Variants in SCARA5 observed in about 807,000 individuals in gnomAD.
SCARA5 encodes the protein scavenger receptor class A, member 5 (putative).
Under a neutral mutation model 46.3 loss-of-function variants are expected in SCARA5, and 45 were observed. The observed-to-expected ratio is 0.97, with a 90% CI of 0.76 to 1.24. The LOEUF (loss-of-function observed/expected upper bound fraction) is 1.24, where lower values mean the gene tolerates loss of function less well. Ranked by LOEUF, SCARA5 falls within the 50% of genes most tolerant of loss-of-function variation. SCARA5 has a pLI of 0.00. For synonymous variants in SCARA5, 333 were observed against 306.5 expected (o/e 1.09, Z -0.90); for missense variants, 680 against 689.0 (o/e 0.99, Z 0.15).
At chr8:27,969,445 G>GA (rs770153802) in intron 2 of SCARA5, among the ~76,000 whole-genome samples, 17 of 152,166 alleles carry the variant, frequency 1.1e-4, no homozygotes, top group Non-Finnish European at 1.8e-4. Context: ...GATATTCTGG[G>GA]AAAAACAAAA....
At chr8:27,933,558 T>C (rs1056169107) in intron 3 of SCARA5, among the ~76,000 whole-genome samples, 7 of 150,376 alleles carry the variant, frequency 4.7e-5, no homozygotes, top group African/African-American at 1.7e-4. Context: ...GGCAGATTCA[T>C]GAGATTCATG....
intron 7 of SCARA5, among the ~76,000 whole-genome samples, chr8:27,899,623 C>T (rs1401122263): frequency 1.3e-5 from 2 of 152,220 alleles, no homozygotes; most frequent in Non-Finnish European, 1.5e-5. Context: ...GGATGGCTTC[C>T]TAGTGCCCAG....
intron 3 of SCARA5, among the ~76,000 whole-genome samples, chr8:27,941,274 C>G (rs1312594822): frequency 2.0e-5 from 3 of 152,124 alleles, no homozygotes. Context: ...TCCTTAGACA[C>G]AGTTAGTTAG....
At chr8:27,989,830 C>T (rs1010163787) in intron 1 of SCARA5, among the ~76,000 whole-genome samples, 4 of 152,226 alleles carry the variant, frequency 2.6e-5, no homozygotes, top group Non-Finnish European at 4.4e-5. Flanking sequence ...GGTGGGGCCG[C>T]GGGCAGCTCC....
chr8:27,931,803 C>T lies in SCARA5; in HGVS notation c.242-9558G>A, dbSNP rs533026659. Among the ~76,000 whole-genome samples, 475 of 151,978 alleles carry T rather than the reference C, an allele frequency of 3.1e-3. 3 individuals carry two copies. The highest frequency in any genetic ancestry group is 0.011 in the African/African-American group (448 of 41,424). On this transcript the variant is annotated intron_variant, in intron 3 of 8. Transcript: ENST00000354914. ...CAGAGTAGCTGGGACTACATGCACA[C>T]GCCACCACGCCTGGCTAATTTTTGT...
At chr8:27,948,758 G>A (rs1466853412) in intron 3 of SCARA5, among the ~76,000 whole-genome samples, 1 of 152,224 alleles carries the variant, frequency 6.6e-6, no homozygotes, top group South Asian at 2.1e-4. Context: ...AGCCCCAAAC[G>A]CCTAGTTAAA....
intron 2 of SCARA5, among the ~76,000 whole-genome samples, chr8:27,979,740 T>C (rs1480927218): frequency 6.6e-6 from 1 of 152,016 alleles, no homozygotes; most frequent in Non-Finnish European, 1.5e-5. Flanking sequence ...TTTTGTATTT[T>C]AGTAGAGACA....
At chr8:27,881,144 A>G (rs957025907) in intron 7 of SCARA5, among the ~76,000 whole-genome samples, 29 of 152,028 alleles carry the variant, frequency 1.9e-4, no homozygotes, top group Non-Finnish European at 3.1e-4. Flanking sequence ...GAGATTTCTC[A>G]AAGAACTTAA....
chr8:27,894,965 C>A (rs1363823202), intron 7 of SCARA5, among the ~76,000 whole-genome samples: 1 of 152,080 alleles, frequency 6.6e-6, no homozygotes, highest in Non-Finnish European at 1.5e-5. Context: ...TCACTAAATA[C>A]CCCAAAACCT....
intron 7 of SCARA5, among the ~76,000 whole-genome samples, chr8:27,896,390 G>A (rs372459769): frequency 6.4e-4 from 98 of 152,142 alleles, no homozygotes; most frequent in African/African-American, 2.3e-3. Context: ...TCCCCTTTCC[G>A]TGATGCTTCT....
At chr8:27,912,017 G>A (rs968136975) in intron 4 of SCARA5, among the ~76,000 whole-genome samples, 6 of 152,134 alleles carry the variant, frequency 3.9e-5, no homozygotes, top group Non-Finnish European at 8.8e-5. Context: ...CAGCTGGGAA[G>A]GGCCAAGGAA....
At chr8:27,902,456 G>C (rs762904648) in intron 7 of SCARA5, among the ~76,000 whole-genome samples, 1 of 152,184 alleles carries the variant, frequency 6.6e-6, no homozygotes, top group Non-Finnish European at 1.5e-5. Context: ...AAGGTGAATA[G>C]AGACCACGCA....
chr8:27,983,788 C>T (rs1351234941), intron 2 of SCARA5, among the ~76,000 whole-genome samples: 2 of 152,150 alleles, frequency 1.3e-5, no homozygotes, highest in African/African-American at 4.8e-5. Flanking sequence ...GTGACCGGAC[C>T]CGGGACTCAG....
chr8:27,920,411 G>A (rs946265598), intron 4 of SCARA5, among the ~76,000 whole-genome samples: 6 of 151,482 alleles, frequency 4.0e-5, no homozygotes, highest in African/African-American at 1.5e-4. Context: ...TCAGGAGTTC[G>A]AGACCAGCCT....
At chr8:27,943,412 C>T (rs964891522) in intron 3 of SCARA5, among the ~76,000 whole-genome samples, 3 of 152,142 alleles carry the variant, frequency 2.0e-5, no homozygotes, top group African/African-American at 4.8e-5. Context: ...GCCTGGGTGA[C>T]GGGAGTGAGA....
At chr8:27,963,789 G>A (rs551882511) in intron 3 of SCARA5, among the ~76,000 whole-genome samples, 74 of 152,120 alleles carry the variant, frequency 4.9e-4, no homozygotes, top group Admixed American at 1.3e-3. Flanking sequence ...CTGGGAAACA[G>A]TAAGAGTAAG....
intron 8 of SCARA5, among the ~76,000 whole-genome samples, chr8:27,872,435 A>T (rs1806654583): frequency 6.6e-6 from 1 of 152,238 alleles, no homozygotes; most frequent in African/African-American, 2.4e-5. Flanking sequence ...TCAAGGGAAC[A>T]TTTAAACCAC....
intron 3 of SCARA5, among the ~76,000 whole-genome samples, chr8:27,960,020 C>T (rs1465723738): frequency 6.6e-6 from 1 of 152,214 alleles, no homozygotes; most frequent in Non-Finnish European, 1.5e-5. Context: ...TTATTGGAAA[C>T]ATGTGCATAT....
chr8:27,940,851 G>A (rs917435457), intron 3 of SCARA5, among the ~76,000 whole-genome samples: 4 of 151,750 alleles, frequency 2.6e-5, no homozygotes, highest in African/African-American at 9.7e-5. Flanking sequence ...CAAACAGGGA[G>A]GGTTTTCCCA....
Sources: gnomAD v4.1 joint callset for allele counts (sites outside exome capture counted in the v4.1 genomes callset) on GRCh38, gnomAD v4.1.1 for gene constraint, MANE v1.5 for transcripts, NCBI Gene and HGNC (gene_info 2026-07-23, HGNC 2026-07-21) for gene names.